Variants in RIN3 observed in about 807,000 individuals in gnomAD.
RIN3 encodes Ras and Rab interactor 3.
A neutral mutation model predicts 76.3 loss-of-function variants in RIN3; 54 were observed. That is an observed-to-expected ratio of 0.71 (90% CI 0.57 to 0.89). The LOEUF (loss-of-function observed/expected upper bound fraction) is 0.89. Ranked by LOEUF, RIN3 falls within the 40% of genes least tolerant of loss-of-function variation. RIN3 has a pLI of 0.00. For synonymous variants in RIN3, 576 were observed against 564.0 expected, an observed-to-expected ratio of 1.02 and a Z score of -0.30; for missense variants, 1,256 against 1,322.1, an observed-to-expected ratio of 0.95 and a Z score of 0.78.
At chr14:92,654,619 A>C (rs1887596601) in intron 6 of RIN3, among the ~76,000 whole-genome samples, 1 of 152,162 alleles carries the variant, frequency 6.6e-6, no homozygotes, top group African/African-American at 2.4e-5. Context: ...ACTCCTGAAA[A>C]CGAATAGGTT....
intron 4 of RIN3, among the ~76,000 whole-genome samples, chr14:92,634,714 TG>T (rs1483059626): frequency 6.6e-6 from 1 of 151,986 alleles, no homozygotes; most frequent in Non-Finnish European, 1.5e-5. Flanking sequence ...AAACTTTAGC[TG>T]GGGGTGGTTG....
chr14:92,628,616 T>C (rs1009128909), intron 4 of RIN3, among the ~76,000 whole-genome samples: 1 of 152,234 alleles, frequency 6.6e-6, no homozygotes, highest in South Asian at 2.1e-4. Context: ...CCATGCTTCC[T>C]GTTCCGTGAA....
chr14:92,617,393 T>G (rs1365526488), intron 4 of RIN3, among the ~76,000 whole-genome samples: 1 of 152,098 alleles, frequency 6.6e-6, no homozygotes, highest in Non-Finnish European at 1.5e-5. Flanking sequence ...GACCAAAACT[T>G]AGGGCCTTAG....
chr14:92,588,984 G>A (rs749144671), intron 3 of RIN3, among the ~76,000 whole-genome samples: 3 of 152,116 alleles, frequency 2.0e-5, no homozygotes, highest in Non-Finnish European at 4.4e-5. Context: ...GCAGAGGAGC[G>A]GGAACCTGTT....
intron 9 of RIN3, chr14:92,687,725 C>T (rs944770478): frequency 1.8e-6 from 1 of 543,498 alleles, no homozygotes; most frequent in Non-Finnish European, 3.2e-6. Context: ...CCAGAACTGT[C>T]GGCCCAGCTG....
chr14:92,609,601 G>T (rs1885649645), intron 3 of RIN3, among the ~76,000 whole-genome samples: 1 of 152,218 alleles, frequency 6.6e-6, no homozygotes, highest in African/African-American at 2.4e-5. Flanking sequence ...ACGGCCTGAG[G>T]CTCTATCAGA....
At chr14:92,635,120 C>T (rs1030708475) in intron 4 of RIN3, among the ~76,000 whole-genome samples, 1 of 152,178 alleles carries the variant, frequency 6.6e-6, no homozygotes, top group South Asian at 2.1e-4. Context: ...TGGCATTTTC[C>T]AAGAACTAAG....
At chr14:92,593,274 A>G (rs1885047487) in intron 3 of RIN3, among the ~76,000 whole-genome samples, 1 of 152,234 alleles carries the variant, frequency 6.6e-6, no homozygotes, top group Admixed American at 6.5e-5. Context: ...GAACAAGGAC[A>G]ACAAATAGAA....
intron 2 of RIN3, among the ~76,000 whole-genome samples, chr14:92,572,833 G>A (rs1359823028): frequency 6.6e-6 from 1 of 151,682 alleles, no homozygotes; most frequent in East Asian, 1.9e-4. Context: ...ACCCACTGAT[G>A]GGAAGTCTGG....
chr14:92,627,337 A>T (rs1886392619), intron 4 of RIN3, among the ~76,000 whole-genome samples: 2 of 152,210 alleles, frequency 1.3e-5, no homozygotes, highest in South Asian at 4.1e-4. Context: ...ACAGGAAATT[A>T]GGTCCCTCTT....
At chr14:92,529,110 G>T (rs1896820604) in intron 1 of RIN3, among the ~76,000 whole-genome samples, 1 of 152,114 alleles carries the variant, frequency 6.6e-6, no homozygotes, top group Non-Finnish European at 1.5e-5. Context: ...CTGAGATAGG[G>T]TTCATATCCA....
intron 3 of RIN3, among the ~76,000 whole-genome samples, chr14:92,581,486 T>C (rs180935941): frequency 2.0e-5 from 3 of 152,264 alleles, no homozygotes; most frequent in East Asian, 3.9e-4. Context: ...GGAGCCTGAG[T>C]TGGGAGTGCT....
chr14:92,599,056 C>T (rs539190525), intron 3 of RIN3, among the ~76,000 whole-genome samples: 14 of 152,220 alleles, frequency 9.2e-5, no homozygotes, highest in African/African-American at 3.4e-4. Flanking sequence ...AGGGAGAGTC[C>T]AGTGTGGCTG....
chr14:92,682,590 C>T (rs984426235), intron 8 of RIN3, among the ~76,000 whole-genome samples: 21 of 152,138 alleles, frequency 1.4e-4, no homozygotes, highest in African/African-American at 4.1e-4. Flanking sequence ...CCCAGTAATG[C>T]GTCTGGGTTC....
At chr14:92,624,491 G>A (rs148732297) in intron 4 of RIN3, among the ~76,000 whole-genome samples, 3 of 152,264 alleles carry the variant, frequency 2.0e-5, no homozygotes, top group East Asian at 1.9e-4. Context: ...AACCGCTAGC[G>A]GGAAATCCTG....
chr14:92,578,520 G>GA (rs1428390374), intron 3 of RIN3, among the ~76,000 whole-genome samples: 1 of 152,200 alleles, frequency 6.6e-6, no homozygotes, highest in Non-Finnish European at 1.5e-5. Flanking sequence ...TTGCAACAGA[G>GA]AAAGAGTTTG....
chr14:92,606,577 C>A (rs930380372), intron 3 of RIN3, among the ~76,000 whole-genome samples: 13 of 151,978 alleles, frequency 8.6e-5, no homozygotes, highest in Admixed American at 8.5e-4. Context: ...GACAAGTAAC[C>A]CAATCAAAAA....
chr14:92,571,108 AAATGCCGAGCTGTAACC>A (rs1363557727), intron 2 of RIN3, among the ~76,000 whole-genome samples: 1 of 152,222 alleles, frequency 6.6e-6, no homozygotes, highest in African/African-American at 2.4e-5. Flanking sequence ...CAAATAAGGC[AAATGCCGAGCTGTAACC>A]AATCCAGCTG....
chr14:92,527,273 CGATCTCCTGACCTCAT>C (rs755881453), intron 1 of RIN3, among the ~76,000 whole-genome samples: 9 of 151,720 alleles, frequency 5.9e-5, no homozygotes, highest in Admixed American at 2.0e-4. Flanking sequence ...ACAATGGTCT[CGATCTCCTGACCTCAT>C]GATCCACCCG....
Sources: gnomAD v4.1 joint callset for allele counts (sites outside exome capture counted in the v4.1 genomes callset) on GRCh38, gnomAD v4.1.1 for gene constraint, MANE v1.5 for transcripts, NCBI Gene and HGNC (gene_info 2026-07-23, HGNC 2026-07-21) for gene names.